The following PSD3 variants were observed in gnomAD, a reference collection of about 807,000 sequenced individuals.
The protein encoded by PSD3 is pleckstrin and Sec7 domain containing 3.
Under a neutral mutation model 105.5 loss-of-function variants are expected in PSD3, and 49 were observed. The observed-to-expected ratio is 0.46, with a 90% CI of 0.37 to 0.59. The LOEUF (loss-of-function observed/expected upper bound fraction) is 0.59, where lower values mean the gene tolerates loss of function less well. Ranked by LOEUF, PSD3 falls within the 20% of genes least tolerant of loss-of-function variation. The probability of loss-of-function intolerance (pLI) is 0.00; values close to 1 mark genes in which losing one functional copy is unlikely to be tolerated. For synonymous variants in PSD3, 557 were observed against 457.8 expected (o/e 1.22, Z -2.77); for missense variants, 1,561 against 1,263.8 (o/e 1.24, Z -3.57).
chr8:18,894,260 A>G (rs1340952025), intron 2 of PSD3, among the ~76,000 whole-genome samples: 15 of 152,224 alleles, frequency 9.9e-5, no homozygotes. Flanking sequence ...TCAAACAATC[A>G]CTGTAGGCAA....
intron 2 of PSD3, among the ~76,000 whole-genome samples, chr8:18,907,780 C>T (rs1002392770): frequency 5.3e-5 from 8 of 152,184 alleles, no homozygotes; most frequent in African/African-American, 1.2e-4. Context: ...GTAACAACCC[C>T]GTGAATACAA....
chr8:19,048,969 C>T (rs574661193), intron 1 of PSD3, among the ~76,000 whole-genome samples: 1 of 152,206 alleles, frequency 6.6e-6, no homozygotes, highest in Non-Finnish European at 1.5e-5. Context: ...GCTCTATCCT[C>T]ACAGGGTCAC....
At chr8:18,910,419 T>G in intron 2 of PSD3, among the ~76,000 whole-genome samples, 6 of 109,114 alleles carry the variant, frequency 5.5e-5, no homozygotes, top group South Asian at 3.6e-4. Context: ...TTCTCACTCA[T>G]AGGTGGGAAT....
intron 1 of PSD3, among the ~76,000 whole-genome samples, chr8:18,967,798 A>ACT (rs1824374720): frequency 6.6e-6 from 1 of 152,236 alleles, no homozygotes; most frequent in Non-Finnish European, 1.5e-5. Context: ...GGCATGTGAA[A>ACT]GATACACACA....
intron 9 of PSD3, among the ~76,000 whole-genome samples, chr8:18,755,010 G>C (rs949015069): frequency 6.6e-6 from 1 of 152,058 alleles, no homozygotes; most frequent in Non-Finnish European, 1.5e-5. Context: ...TCAGTCTCCT[G>C]ACATATCATA....
Position 18,574,749 on chromosome 8 carries a change from C to G in PSD3, c.2639+379G>C, listed in dbSNP as rs1210471576. Among the ~76,000 whole-genome samples the G allele has an allele frequency of 2.0e-5, 3 of 152,166 alleles. No homozygotes were observed. The East Asian group carries it at 5.8e-4, about 29-fold the overall frequency. The stretch of plus-strand genomic sequence containing the variant: ...CGTTATCCCCCACACTAGTGACGAG[C>G]TGAGGTTCAGAGGTTAAACTATGTG... On this transcript the variant is annotated intron_variant, in intron 13 of 15. Coordinates refer to ENST00000327040, the MANE Select transcript of PSD3 (RefSeq NM_015310.4).
At chr8:19,037,241 A>G (rs1171659823) in intron 1 of PSD3, among the ~76,000 whole-genome samples, 1 of 152,246 alleles carries the variant, frequency 6.6e-6, no homozygotes, top group Non-Finnish European at 1.5e-5. Flanking sequence ...TCTGCTTGCA[A>G]GATGCCGAGA....
rs138843141 is a variant in PSD3, at chr8:18,884,162, C to T, written c.131-11429G>A. Among the ~76,000 whole-genome samples, 143 of 151,964 alleles carry T rather than the reference C, an allele frequency of 9.4e-4. 1 individual carries two copies. The highest frequency in any genetic ancestry group is 3.3e-3 in the African/African-American group (138 of 41,444). On this transcript the variant is annotated intron_variant, in intron 2 of 15. Transcript: ENST00000327040. ...AATCTGTAAGATTGGAAGATAAATGCTTAATTTACAAAACAAATATAAAGA... is the reference window on the plus strand; with the variant it reads ...AATCTGTAAGATTGGAAGATAAATGTTTAATTTACAAAACAAATATAAAGA...
chr8:18,802,573 C>T (rs932449362), intron 6 of PSD3, among the ~76,000 whole-genome samples: 1 of 152,132 alleles, frequency 6.6e-6, no homozygotes, highest in Admixed American at 6.5e-5. Flanking sequence ...GATCTTTCAT[C>T]CACTGATAAC....
chr8:18,850,820 C>G lies in PSD3; in HGVS notation c.1634+16854G>C, dbSNP rs140686641. ...AGCAGAGTTGGACCAACAGAGGTTC[C>G]CCTGCTAAAAAGCAGGGCCTCAATA... On this transcript the variant is annotated intron_variant, in intron 4 of 15. Coordinates refer to ENST00000327040, the MANE Select transcript of PSD3 (RefSeq NM_015310.4). Among the ~76,000 whole-genome samples, 509 of 152,244 alleles carry G rather than the reference C, an allele frequency of 3.3e-3. 3 individuals carry two copies. Among genetic ancestry groups the G allele is most frequent in the African/African-American group, 0.011 (465 of 41,530 alleles).
At chr8:18,576,378 C>G (rs2634432) in intron 12 of PSD3, among the ~76,000 whole-genome samples, 138,850 of 152,136 alleles carry the variant, frequency 0.91, 63,611 homozygotes, top group East Asian at 1. Context: ...TTAAGCCTCC[C>G]AGGATAAGAA....
chr8:18,562,614 C>A (rs1801464069), intron 14 of PSD3, among the ~76,000 whole-genome samples: 1 of 152,102 alleles, frequency 6.6e-6, no homozygotes, highest in Admixed American at 6.5e-5. Context: ...ACAGGCTGGG[C>A]CTGGTGACTC....
intron 9 of PSD3, among the ~76,000 whole-genome samples, chr8:18,715,069 G>A (rs567578938): frequency 1.1e-3 from 167 of 152,338 alleles, no homozygotes; most frequent in African/African-American, 3.7e-3. Context: ...TCATAAGTGG[G>A]AGATGAACAA....
intron 2 of PSD3, among the ~76,000 whole-genome samples, chr8:18,912,283 C>G (rs540944240): frequency 3.9e-5 from 6 of 152,276 alleles, no homozygotes; most frequent in Non-Finnish European, 8.8e-5. Context: ...AGAGTATTAA[C>G]TCCGAAACAA....
intron 2 of PSD3, among the ~76,000 whole-genome samples, chr8:18,913,076 CACACACACAA>C (rs1357453804): frequency 3.3e-4 from 44 of 134,184 alleles, no homozygotes; most frequent in African/African-American, 8.3e-4. Flanking sequence ...TAAACACACA[CACACACACAA>C]ACACACACAC....
chr8:18,973,675 T>C (rs1824775100), intron 1 of PSD3, among the ~76,000 whole-genome samples: 1 of 152,206 alleles, frequency 6.6e-6, no homozygotes, highest in South Asian at 2.1e-4. Flanking sequence ...GACTCAATCC[T>C]AAGTATATGA....
chr8:18,567,873 T>C (rs924033293), intron 14 of PSD3, among the ~76,000 whole-genome samples: 1 of 152,184 alleles, frequency 6.6e-6, no homozygotes, highest in Non-Finnish European at 1.5e-5. Flanking sequence ...ATCCCCAATG[T>C]TGGAGGTGGG....
intron 8 of PSD3, among the ~76,000 whole-genome samples, chr8:18,785,583 T>G (rs1465997134): frequency 2.0e-5 from 3 of 152,224 alleles, no homozygotes; most frequent in African/African-American, 7.2e-5. Context: ...TTCTTATTCT[T>G]GTGATCACCG....
chr8:18,838,695 G>A (rs1313678911), intron 4 of PSD3, among the ~76,000 whole-genome samples: 2 of 151,422 alleles, frequency 1.3e-5, no homozygotes, highest in African/African-American at 2.4e-5. Context: ...CAGCTACTTC[G>A]GGAGGCTGAG....
Sources: gnomAD v4.1 joint callset for allele counts (sites outside exome capture counted in the v4.1 genomes callset) on GRCh38, gnomAD v4.1.1 for gene constraint, MANE v1.5 for transcripts, NCBI Gene and HGNC (gene_info 2026-07-23, HGNC 2026-07-21) for gene names.